Variants in STIM2 observed in about 807,000 individuals in gnomAD.
STIM2 encodes stromal interaction molecule 2.
Under a neutral mutation model 85.8 loss-of-function variants are expected in STIM2, and 31 were observed. The observed-to-expected ratio is 0.36, with a 90% CI of 0.27 to 0.49. The LOEUF is 0.49. Among genes scored for constraint, STIM2 ranks in the 20% least tolerant of loss-of-function variants. STIM2 has a pLI of 0.98. For missense variants in STIM2, 841 were observed against 927.6 expected (o/e 0.91, Z 1.21); for synonymous variants, 356 against 331.1 (o/e 1.08, Z -0.82).
chr4:26,862,087 C>T lies in STIM2; in HGVS notation c.151+718C>T, dbSNP rs182811661. 5.3e-5 allele frequency among the ~76,000 whole-genome samples: 8 copies of T among 152,250 alleles called. No homozygotes were observed. The East Asian group carries it at 1.5e-3, about 29-fold the overall frequency. On this transcript the variant is annotated intron_variant, in intron 1 of 11. Transcript: ENST00000467087. ...CAAAGTGCAGCATACTCGGGGCTTGCAGCTGGCAGCACAGTTCTGATAGAC... is the reference window on the plus strand; with the variant it reads ...CAAAGTGCAGCATACTCGGGGCTTGTAGCTGGCAGCACAGTTCTGATAGAC...
chr4:26,889,395 T>C (rs1388312204), intron 1 of STIM2, among the ~76,000 whole-genome samples: 1 of 152,196 alleles, frequency 6.6e-6, no homozygotes, highest in Non-Finnish European at 1.5e-5. Context: ...TCATGTGCTG[T>C]AAAGTGTGTT....
rs1408254584 is a variant in STIM2, at chr4:27,017,738, T to C, written c.1517T>C (p.Leu506Ser). ...ACCATGGCTAAACCTCCTGGATCAT[T>C]AGCCAGAAGCAGCAGCCTGTGCCGT... Residue 506 changes from leucine (L) to serine (S), a missense_variant, in exon 11 of 12, where the codon TTA becomes TCA. Around this residue, in one of 3 missense-constraint regions of STIM2, gnomAD observed 408 missense variants for 525.4 expected, o/e 0.78. Transcript: ENST00000467087. 1.2e-6 allele frequency: 2 copies of C among 1,613,988 alleles called. No individual in the cohort carries two copies. Among genetic ancestry groups the C allele is most frequent in the Admixed American group, 3.3e-5 (2 of 60,002 alleles).
At chr4:26,953,385 C>T (rs558868282) in intron 2 of STIM2, among the ~76,000 whole-genome samples, 5 of 152,160 alleles carry the variant, frequency 3.3e-5, no homozygotes, top group African/African-American at 1.2e-4. Flanking sequence ...TTAATTTAAT[C>T]TTTGTAACCT....
chr4:27,007,539 A>G lies in STIM2; in HGVS notation c.988A>G (p.Met330Val), dbSNP rs751101903. The change falls in exon 8 of 12, where the codon ATG (methionine) becomes GTG (valine). Residue 330 changes from methionine to valine, a missense_variant. Transcript: ENST00000467087. ...CTTCCTTTCCTTCTTCTAGGTTCGCATGGCTCTGAAAAAGGCCGAAAAAGA... is the reference window on the plus strand; with the variant it reads ...CTTCCTTTCCTTCTTCTAGGTTCGCGTGGCTCTGAAAAAGGCCGAAAAAGA... 1.3e-6 allele frequency: 2 copies of G among 1,530,778 alleles called. No homozygotes were observed. 94.8% of individuals were successfully genotyped at this position (1,530,778 alleles called of 1,614,324 possible).
intron 8 of STIM2, among the ~76,000 whole-genome samples, chr4:27,008,167 T>C (rs1728435770): frequency 6.6e-6 from 1 of 152,158 alleles, no homozygotes; most frequent in Non-Finnish European, 1.5e-5. Context: ...AGTACAAGAT[T>C]CGGGTCTTCC....
intron 3 of STIM2, among the ~76,000 whole-genome samples, chr4:26,963,348 A>G (rs1340136286): frequency 6.6e-6 from 1 of 152,178 alleles, no homozygotes; most frequent in African/African-American, 2.4e-5. Flanking sequence ...AAAATCCACC[A>G]GCTCTTTAAA....
At chr4:26,945,107 C>G (rs1016780928) in intron 2 of STIM2, among the ~76,000 whole-genome samples, 1 of 152,178 alleles carries the variant, frequency 6.6e-6, no homozygotes, top group Non-Finnish European at 1.5e-5. Context: ...ACCCCCCACC[C>G]TCTGGGAGTC....
At chr4:26,868,509 C>T (rs935644353) in intron 1 of STIM2, among the ~76,000 whole-genome samples, 4 of 152,170 alleles carry the variant, frequency 2.6e-5, no homozygotes, top group Non-Finnish European at 5.9e-5. Context: ...GAATACTAAA[C>T]AGCCTTATCA....
intron 3 of STIM2, among the ~76,000 whole-genome samples, chr4:26,963,166 G>A (rs774918294): frequency 2.0e-5 from 3 of 151,980 alleles, no homozygotes; most frequent in East Asian, 1.9e-4. Context: ...TTAGGACAGC[G>A]AAAATATAAG....
chr4:26,900,261 T>C (rs1326843789), intron 1 of STIM2, among the ~76,000 whole-genome samples: 2 of 152,304 alleles, frequency 1.3e-5, no homozygotes, highest in East Asian at 1.9e-4. Context: ...TTTTCAGTTT[T>C]GCCTTTCTTC....
intron 1 of STIM2, among the ~76,000 whole-genome samples, chr4:26,900,825 G>A (rs1207426446): frequency 1.3e-5 from 2 of 152,172 alleles, no homozygotes; most frequent in East Asian, 3.9e-4. Context: ...CACAGTGTTT[G>A]TAGTGTCTTA....
chr4:26,954,359 A>G lies in STIM2; in HGVS notation c.283-3253A>G, dbSNP rs986496438. On this transcript the variant is annotated intron_variant, in intron 2 of 11. Transcript: ENST00000467087. Reference sequence around the variant, plus strand: ...GAGCACTCCCTTATGTACCTTGTCAATTTAGGATTCCCTATAGTAGGTTTG... The same window carrying G: ...GAGCACTCCCTTATGTACCTTGTCAGTTTAGGATTCCCTATAGTAGGTTTG... 2.4e-5 allele frequency among the ~76,000 whole-genome samples: 3 copies of G among 125,500 alleles called. 1 individual carries two copies. Among genetic ancestry groups the G allele is most frequent in the African/African-American group, 1.1e-4 (3 of 28,212 alleles). The allele number at this position is 125,500 out of a possible 152,430, so 82.3% of individuals were successfully genotyped here. A position where few individuals can be genotyped will look rare whatever the true frequency, so the allele number is the denominator to read the frequency against.
At chr4:26,942,115 G>A (rs1320926867) in intron 2 of STIM2, among the ~76,000 whole-genome samples, 1 of 152,100 alleles carries the variant, frequency 6.6e-6, no homozygotes, top group Non-Finnish European at 1.5e-5. Context: ...GATTGGGGTT[G>A]GGAAGTTTTT....
At chr4:26,990,115 G>A (rs1002770231) in intron 3 of STIM2, among the ~76,000 whole-genome samples, 5 of 150,144 alleles carry the variant, frequency 3.3e-5, no homozygotes, top group Admixed American at 6.7e-5. Flanking sequence ...CCTAAAATTT[G>A]TATGAAACCA....
chr4:26,893,923 G>T (rs1723598463), intron 1 of STIM2, among the ~76,000 whole-genome samples: 1 of 151,826 alleles, frequency 6.6e-6, no homozygotes, highest in South Asian at 2.1e-4. Context: ...GAGTCTTGTT[G>T]TGTCGCCCAG....
intron 1 of STIM2, among the ~76,000 whole-genome samples, chr4:26,875,662 T>C (rs541375698): frequency 6.6e-6 from 1 of 152,282 alleles, no homozygotes; most frequent in East Asian, 1.9e-4. Flanking sequence ...ATGGGAGCTG[T>C]TTTTAGTTAA....
At chr4:26,985,903 G>A (rs1727564525) in intron 3 of STIM2, among the ~76,000 whole-genome samples, 1 of 152,158 alleles carries the variant, frequency 6.6e-6, no homozygotes, top group African/African-American at 2.4e-5. Context: ...TAGTATGAAA[G>A]CTATTAAAAA....
chr4:26,941,166 A>G (rs1169947119), intron 2 of STIM2, among the ~76,000 whole-genome samples: 1 of 152,128 alleles, frequency 6.6e-6, no homozygotes, highest in Non-Finnish European at 1.5e-5. Flanking sequence ...CTGTATTCTC[A>G]TGAGTATACA....
chr4:26,993,394 C>G (rs915974835), intron 3 of STIM2, among the ~76,000 whole-genome samples: 2 of 152,056 alleles, frequency 1.3e-5, no homozygotes, highest in African/African-American at 4.8e-5. Flanking sequence ...TATCAGTTAC[C>G]ACATCTAGTT....
Sources: gnomAD v4.1 joint callset for allele counts (sites outside exome capture counted in the v4.1 genomes callset) on GRCh38, gnomAD v4.1.1 for gene constraint, gnomAD v4.1.1 regional missense constraint, MANE v1.5 for transcripts, NCBI Gene and HGNC (gene_info 2026-07-23, HGNC 2026-07-21) for gene names.